MYH15: variants seen among roughly 807,000 people sequenced by gnomAD.
The protein encoded by MYH15 is myosin heavy chain 15.
A neutral mutation model predicts 240.5 loss-of-function variants in MYH15; 227 were observed. The ratio of observed to expected loss-of-function variants is 0.94; its 90% CI spans 0.85 to 1.05. The LOEUF (loss-of-function observed/expected upper bound fraction) is 1.05. Among genes scored for constraint, MYH15 ranks in the 50% least tolerant of loss-of-function variants. The pLI, the probability that MYH15 is intolerant of heterozygous loss-of-function variation, is 0.00. For synonymous variants in MYH15, 785 were observed against 796.7 expected (o/e 0.99, Z 0.25); for missense variants, 2,217 against 2,247.5 (o/e 0.99, Z 0.27).
chr3:108,451,244 G>A (rs943128821), intron 21 of MYH15, among the ~76,000 whole-genome samples: 1 of 152,096 alleles, frequency 6.6e-6, no homozygotes, highest in Non-Finnish European at 1.5e-5. Context: ...GCCAGGTGTG[G>A]AGGCACACGC....
chr3:108,458,729 C>G (rs1576245960), intron 18 of MYH15, among the ~76,000 whole-genome samples: 1 of 151,268 alleles, frequency 6.6e-6, no homozygotes, highest in Admixed American at 6.6e-5. Context: ...TTGGTAAAAC[C>G]CTTGTTTGGG....
chr3:108,470,779 C>T lies in MYH15; in HGVS notation c.1302G>A (p.Arg434=). The part of the protein sequence containing the change: ...YERMFKWLVA[R]INRALDAKLS... Reference sequence around the variant, plus strand: ...GCTTGGCATCCAGGGCCCTGTTGATCCGTGCCACTAGCCACTTAAACATCC... The same window carrying T: ...GCTTGGCATCCAGGGCCCTGTTGATTCGTGCCACTAGCCACTTAAACATCC... The change falls in exon 13 of 41, where the codon CGG becomes CGA. Residue 434 remains arginine (R), a synonymous_variant. Coordinates refer to ENST00000693548, the MANE Select transcript of MYH15 (RefSeq NM_014981.3). 3.7e-6 allele frequency: 6 copies of T among 1,613,888 alleles called. No individual in the cohort carries two copies. The South Asian group carries it at 6.6e-5, about 18-fold the overall frequency.
intron 28 of MYH15, among the ~76,000 whole-genome samples, chr3:108,419,939 TA>T: frequency 6.6e-6 from 1 of 152,226 alleles, no homozygotes; most frequent in Non-Finnish European, 1.5e-5. Context: ...TAGTTATAGA[TA>T]AACATCTAGC....
chr3:108,420,134 A>C (rs1560342680), intron 28 of MYH15, among the ~76,000 whole-genome samples: 1 of 152,218 alleles, frequency 6.6e-6, no homozygotes, highest in Admixed American at 6.5e-5. Context: ...AAAACAGAAA[A>C]AAAAAATCCA....
chr3:108,475,944 C>A (rs188365271), intron 12 of MYH15, among the ~76,000 whole-genome samples: 1 of 152,300 alleles, frequency 6.6e-6, no homozygotes, highest in African/African-American at 2.4e-5. Flanking sequence ...CACACACCTC[C>A]TTTCAAATAT....
At chr3:108,536,178 T>A in the MYH15 span, among the ~76,000 whole-genome samples, 9 of 152,090 alleles carry the variant, frequency 5.9e-5, no homozygotes, top group African/African-American at 2.2e-4. Context: ...GGCAGAAGAA[T>A]CACTTGAACC....
chr3:108,430,974 T>C lies in MYH15; in HGVS notation c.3222-52A>G, dbSNP rs1560355636. The C allele has an allele frequency of 2.4e-6, 3 of 1,263,608 alleles. No individual in the cohort carries two copies. In the East Asian group the frequency reaches 7.2e-5, roughly 30 times the overall value. The allele number at this position is 1,263,608 out of a possible 1,614,324, so 78.3% of individuals were successfully genotyped here. ...ATTGTTCAGAATAATAACATTTTGT[T>C]TAAAGTAGTTAGAATTGTAATATTC... On this transcript the variant is annotated intron_variant, in intron 25 of 40. Transcript: ENST00000693548.
At chr3:108,492,850 C>A (rs923493354) in intron 8 of MYH15, among the ~76,000 whole-genome samples, 3 of 151,878 alleles carry the variant, frequency 2.0e-5, no homozygotes, top group African/African-American at 7.3e-5. Context: ...ACTTGAGAGG[C>A]TGAGGTAGAG....
chr3:108,483,416 TAA>T (rs71299348), intron 11 of MYH15, among the ~76,000 whole-genome samples: 8 of 142,362 alleles, frequency 5.6e-5, no homozygotes, highest in Non-Finnish European at 1.5e-5. Flanking sequence ...ATGGCTACTA[TAA>T]AAAAAAAAAA....
chr3:108,419,849 T>C (rs2082667464), intron 28 of MYH15, among the ~76,000 whole-genome samples: 1 of 152,238 alleles, frequency 6.6e-6, no homozygotes, highest in African/African-American at 2.4e-5. Flanking sequence ...ACTGTGTGCC[T>C]CTTAAGCATC....
Position 108,414,895 on chromosome 3 carries a change from A to T in MYH15, c.3949-467T>A, listed in dbSNP as rs370411062. ...GAAATCTCTAAAAACCTCAGCTCCT[A>T]ATACTTCAAAATAGTACTACTGCCC... On this transcript the variant is annotated intron_variant, in intron 29 of 40. Coordinates refer to ENST00000693548, the MANE Select transcript of MYH15 (RefSeq NM_014981.3). 3.9e-4 allele frequency among the ~76,000 whole-genome samples: 59 copies of T among 152,302 alleles called. 1 individual carries two copies. The South Asian group carries it at 0.012, about 32-fold the overall frequency.
chr3:108,496,171 A>G (rs1448984061), intron 6 of MYH15, among the ~76,000 whole-genome samples: 1 of 152,224 alleles, frequency 6.6e-6, no homozygotes, highest in Non-Finnish European at 1.5e-5. Context: ...TAAAAAAGAA[A>G]AACATACCAA....
intron 12 of MYH15, among the ~76,000 whole-genome samples, chr3:108,473,261 G>A (rs1251170250): frequency 1.3e-5 from 2 of 152,100 alleles, no homozygotes; most frequent in East Asian, 1.9e-4. Flanking sequence ...CACCCGCCTC[G>A]GCCTCCCAAA....
chr3:108,510,235 C>T (rs2107252698), intron 1 of MYH15, among the ~76,000 whole-genome samples: 1 of 152,170 alleles, frequency 6.6e-6, no homozygotes, highest in African/African-American at 2.4e-5. Flanking sequence ...TAGACTGCCT[C>T]CCAGCCACCC....
chr3:108,496,934 G>A (rs2083395683), intron 6 of MYH15, among the ~76,000 whole-genome samples: 1 of 151,654 alleles, frequency 6.6e-6, no homozygotes, highest in Non-Finnish European at 1.5e-5. Context: ...GGCCTACGCG[G>A]GAGGATCACG....
At chr3:108,413,375 C>G (rs542497557) in intron 30 of MYH15, among the ~76,000 whole-genome samples, 11 of 152,330 alleles carry the variant, frequency 7.2e-5, no homozygotes, top group African/African-American at 2.4e-4. Flanking sequence ...AGCAATTGCA[C>G]AGCAATGCCT....
intron 17 of MYH15, among the ~76,000 whole-genome samples, chr3:108,459,666 G>A (rs892158215): frequency 6.6e-6 from 1 of 152,094 alleles, no homozygotes; most frequent in African/African-American, 2.4e-5. Flanking sequence ...TAGTTAAATT[G>A]TGAATCATCT....
chr3:108,381,702 T>C (rs1384695774), intron 40 of MYH15, 143 bp from the exon 41 acceptor site: 9 of 900,352 alleles, frequency 1.0e-5, no homozygotes, highest in East Asian at 9.7e-5. Context: ...AGGCAGGGAA[T>C]TGAGGCAATT....
chr3:108,413,602 G>C, intron 30 of MYH15, among the ~76,000 whole-genome samples: 1 of 152,176 alleles, frequency 6.6e-6, no homozygotes, highest in Non-Finnish European at 1.5e-5. Flanking sequence ...CCCTGGTACT[G>C]AGTCTCAATT....
Sources: gnomAD v4.1 joint callset for allele counts (sites outside exome capture counted in the v4.1 genomes callset) on GRCh38, gnomAD v4.1.1 for gene constraint, MANE v1.5 for transcripts, NCBI Gene and HGNC (gene_info 2026-07-23, HGNC 2026-07-21) for gene names.